MPND: variants seen among roughly 807,000 people sequenced by gnomAD.
The protein encoded by MPND is MPN domain-containing protein.
A neutral mutation model predicts 59.2 loss-of-function variants in MPND; 56 were observed. The observed-to-expected ratio is 0.95, with a 90% CI of 0.76 to 1.18. MPND has a LOEUF of 1.18. Ranked by LOEUF, MPND falls within the 50% of genes most tolerant of loss-of-function variation. The pLI, the probability that MPND is intolerant of heterozygous loss-of-function variation, is 0.00. For synonymous variants in MPND, 323 were observed against 291.9 expected, an observed-to-expected ratio of 1.11 and a Z score of -1.09; for missense variants, 671 against 676.0, an observed-to-expected ratio of 0.99 and a Z score of 0.08.
At chr19:4,356,168 G>A (rs528043818) in intron 8 of MPND, among the ~76,000 whole-genome samples, 1 of 152,176 alleles carries the variant, frequency 6.6e-6, no homozygotes, top group Admixed American at 6.5e-5. Context: ...CACTGCTTTT[G>A]GATCTCCTAG....
Position 4,352,920 on chromosome 19 carries a change from G to T in MPND, c.555G>T (p.Glu185Asp). 7.1e-7 allele frequency: 1 copy of T among 1,400,454 alleles called. No individual in the cohort carries two copies. Among genetic ancestry groups the T allele is most frequent in the South Asian group, 1.9e-5 (1 of 53,580 alleles). The allele number at this position is 1,400,454 out of a possible 1,614,324, so 86.8% of individuals were successfully genotyped here. A position where few individuals can be genotyped will look rare whatever the true frequency, so the allele number is the denominator to read the frequency against. ...ADESPASEGE[E>D]EELLMEEEEE... ...AGAGCCCAGCCAGTGAAGGGGAGGA[G>T]GAGGAGTTGCTGATGGAAGAGGAGG... Residue 185 changes from glutamate (E) to aspartate (D), a missense_variant, in exon 4 of 13, where the codon GAG (glutamate) becomes GAT (aspartate). Glu to Asp is a conservative substitution (Grantham distance 45). Transcript: ENST00000599840.
intron 3 of MPND, among the ~76,000 whole-genome samples, chr19:4,350,199 C>A (rs534617926): frequency 1.6e-4 from 24 of 152,172 alleles, no homozygotes; most frequent in Non-Finnish European, 5.9e-5. Context: ...GGGGCACGAC[C>A]GTGCCTGGTG....
At chr19:4,349,366 G>A (rs1256994160) in intron 3 of MPND, among the ~76,000 whole-genome samples, 3 of 152,078 alleles carry the variant, frequency 2.0e-5, no homozygotes, top group Non-Finnish European at 4.4e-5. Flanking sequence ...ATGAGCCACC[G>A]CAGCCAGTCA....
In MPND at chr19:4,358,383, G is replaced by C. The variant is rs188373339; in HGVS notation, c.1326+211G>C. On this transcript the variant is annotated intron_variant, in intron 11 of 12. Transcript: ENST00000599840. ...GCCCTCCCTCACCTCCCCACCTGCT[G>C]TTCTCTAAGGCACTGGCCTCTTCTG... 832 of 580,224 alleles carry C rather than the reference G, an allele frequency of 1.4e-3. 4 individuals are homozygous for C. The highest frequency in any genetic ancestry group is 9.9e-3 in the African/African-American group (527 of 53,458). The allele number at this position is 580,224 out of a possible 1,614,324, so 35.9% of individuals were successfully genotyped here.
chr19:4,347,365 C>G (rs369854560), intron 3 of MPND: 2 of 151,838 alleles, frequency 1.3e-5, no homozygotes, highest in Non-Finnish European at 2.9e-5. Context: ...CTCAGCCTCC[C>G]GAGTAGCTGG....
chr19:4,354,631 C>G, intron 6 of MPND: 1 of 601,420 alleles, frequency 1.7e-6, no homozygotes, highest in South Asian at 2.0e-5. Flanking sequence ...CTTTGGGAAG[C>G]TGAGGCAGCG....
chr19:4,347,784 T>A, intron 3 of MPND: 1 of 485,536 alleles, frequency 2.1e-6, no homozygotes, highest in Non-Finnish European at 3.8e-6. Context: ...AAAAAAACCC[T>A]TGACCCTTCA....
chr19:4,343,994 G>A lies in MPND; in HGVS notation c.294G>A (p.Leu98=). ...PGAGVLSIYY[L]GKKFLGDLQP... ...CCGGGGTGCTGTCCATCTACTACCT[G>A]GTGAGCACCCCGCCTCCCTCGTCCC... The change falls in exon 2 of 13, where the codon CTG becomes CTA. Residue 98 remains leucine (L), a splice_region_variant and synonymous_variant. Transcript: ENST00000599840. The A allele has an allele frequency of 1.5e-6, 2 of 1,330,894 alleles. No homozygotes were observed. The highest frequency in any genetic ancestry group is 2.0e-5 in the South Asian group (1 of 50,784). 82.4% of individuals were successfully genotyped at this position (1,330,894 alleles called of 1,614,324 possible). A position where few individuals can be genotyped will look rare whatever the true frequency, so the allele number is the denominator to read the frequency against.
In MPND at chr19:4,343,987, A is replaced by T; in HGVS notation, c.287A>T (p.Tyr96Phe). The change falls in exon 2 of 13, where the codon TAC becomes TTC. Residue 96 changes from tyrosine to phenylalanine, a missense_variant. Transcript: ENST00000599840. ...CCTGGCGCCGGGGTGCTGTCCATCTACTACCTGGTGAGCACCCCGCCTCCC... is the reference window on the plus strand; with the variant it reads ...CCTGGCGCCGGGGTGCTGTCCATCTTCTACCTGGTGAGCACCCCGCCTCCC... ...LEPGAGVLSI[Y>F]YLGKKFLGDL... The T allele has an allele frequency of 7.4e-7, 1 of 1,359,692 alleles. No homozygotes were observed. Among genetic ancestry groups the T allele is most frequent in the East Asian group, 3.0e-5 (1 of 32,930 alleles). The allele number at this position is 1,359,692 out of a possible 1,614,324, so 84.2% of individuals were successfully genotyped here.
intron 3 of MPND, among the ~76,000 whole-genome samples, chr19:4,346,296 G>A (rs1308243866): frequency 2.0e-5 from 3 of 152,198 alleles, no homozygotes; most frequent in Non-Finnish European, 4.4e-5. Flanking sequence ...GTGGCTGAGG[G>A]GGCTGGAAAT....
Position 4,351,924 on chromosome 19 carries a change from A to G in MPND, c.532-973A>G, listed in dbSNP as rs371779166. On this transcript the variant is annotated intron_variant, in intron 3 of 12. Transcript: ENST00000599840. ...ACGGTGGCTCACACCTGTAATGCCA[A>G]CACTTTGGGAGGCTGAGGCAGGTGG... Among the ~76,000 whole-genome samples the G allele has an allele frequency of 2.2e-4, 33 of 151,424 alleles. No homozygotes were observed. In the South Asian group the frequency reaches 5.0e-3, roughly 23 times the overall value.
rs61730129 is a variant in MPND at position 4,357,349 on chromosome 19, G to A, written c.1093G>A (p.Ala365Thr). The change falls in exon 9 of 13, where the codon GCA (alanine) becomes ACA (threonine). Residue 365 changes from alanine (A) to threonine (T), a missense_variant. Coordinates refer to ENST00000599840, the MANE Select transcript of MPND (RefSeq NM_001300862.2). Reference protein sequence around the residue: ...PALPSLQDIDAQMDYQLRLQG... With the variant: ...PALPSLQDIDTQMDYQLRLQG... ...GCTGCCATCTCTGCAGGACATCGAC[G>A]CACAGATGGACTACCAGCTGCGGCT... is the stretch of plus-strand genomic sequence containing the variant. 2.3e-4 allele frequency: 372 copies of A among 1,613,194 alleles called. 1 individual carries two copies. The African/African-American group carries it at 4.3e-3, about 19-fold the overall frequency.
chr19:4,350,068 G>A (rs935396324), intron 3 of MPND, among the ~76,000 whole-genome samples: 1 of 152,014 alleles, frequency 6.6e-6, no homozygotes, highest in Non-Finnish European at 1.5e-5. Flanking sequence ...TGGGAGTTGT[G>A]GGGGAAGAAG....
intron 3 of MPND, among the ~76,000 whole-genome samples, chr19:4,350,195 C>T (rs1156857109): frequency 6.6e-6 from 1 of 151,944 alleles, no homozygotes; most frequent in East Asian, 1.9e-4. Flanking sequence ...CCCTGGGGCA[C>T]GACCGTGCCT....
At position 4,358,161 on chromosome 19, in the gene MPND, C is replaced by G. The variant is rs1377829093; in HGVS notation, c.1315C>G (p.Leu439Val). 1.9e-6 allele frequency: 3 copies of G among 1,551,240 alleles called. No homozygotes were observed. Among genetic ancestry groups the G allele is most frequent in the Non-Finnish European group, 2.6e-6 (3 of 1,146,946 alleles). Residue 439 changes from leucine (L) to valine (V), a missense_variant, in exon 11 of 13, where the codon CTT (leucine) becomes GTT (valine). Physicochemically the swap from Leu to Val is conservative, Grantham distance 32 (BLOSUM62 1). Coordinates refer to ENST00000599840, the MANE Select transcript of MPND (RefSeq NM_001300862.2). ...GGACAGCTTCCTGACCAATGACATC[C>G]TTCACGAGATGGTGAGCTCGCTGCG... ...VQDSFLTNDI[L>V]HEMMLLVEFY...
At chr19:4,357,011 C>G (rs1451038654) in intron 8 of MPND, 2 of 411,952 alleles carry the variant, frequency 4.9e-6, no homozygotes, top group Admixed American at 4.3e-5. Flanking sequence ...CAGCAGTGAA[C>G]AAAATGACTT....
At chr19:4,359,740 C>A (rs1018272413) in intron 12 of MPND, among the ~76,000 whole-genome samples, 176 bp from the exon 13 acceptor site, 1 of 152,172 alleles carries the variant, frequency 6.6e-6, no homozygotes, top group Admixed American at 6.5e-5. Context: ...GGGAGCCAGG[C>A]CCTCGGTTAC....
chr19:4,345,633 T>G (rs559483581), intron 2 of MPND, 112 bp from the exon 3 acceptor site: 133 of 985,680 alleles, frequency 1.3e-4, no homozygotes, highest in Non-Finnish European at 2.0e-4. Flanking sequence ...GAGGTGTTCC[T>G]GGAAGCCCTG....
intron 8 of MPND, among the ~76,000 whole-genome samples, chr19:4,355,466 G>T (rs1442274597): frequency 6.6e-6 from 1 of 150,938 alleles, no homozygotes; most frequent in East Asian, 2.0e-4. Flanking sequence ...CTCCTGAATA[G>T]CTGGGACTAC....
Sources: allele counts gnomAD v4.1 joint callset (sites outside exome capture counted in the v4.1 genomes callset), GRCh38; gene constraint gnomAD v4.1.1; transcripts MANE v1.5; gene names NCBI Gene and HGNC (gene_info 2026-07-23, HGNC 2026-07-21).